PARP4: variants seen among roughly 807,000 people sequenced by gnomAD.
PARP4 encodes protein mono-ADP-ribosyltransferase PARP4.
A neutral mutation model predicts 187.7 loss-of-function variants in PARP4; 120 were observed. The observed-to-expected ratio is 0.64, with a 90% CI of 0.55 to 0.74. The LOEUF (loss-of-function observed/expected upper bound fraction) is 0.74. Ranked by LOEUF, PARP4 falls within the 30% of genes least tolerant of loss-of-function variation. The pLI is 0.00. For missense variants in PARP4, 1,836 were observed against 2,070.5 expected, an observed-to-expected ratio of 0.89 and a Z score of 2.20; for synonymous variants, 654 against 740.9, an observed-to-expected ratio of 0.88 and a Z score of 1.90.
intron 33 of PARP4, among the ~76,000 whole-genome samples, chr13:24,425,569 GTATATCTATATCTA>G (rs1870001144): frequency 7.3e-6 from 1 of 136,732 alleles, no homozygotes; most frequent in South Asian, 2.5e-4. Context: ...GTGTGTGTGT[GTATATCTATATCTA>G]TATCTATATC....
chr13:24,458,899 T>A (rs895222673), intron 20 of PARP4, 145 bp downstream of exon 20: 1 of 656,892 alleles, frequency 1.5e-6, no homozygotes, highest in Non-Finnish European at 2.7e-6. Context: ...GAAACTGGTC[T>A]GGGGAGAATC....
intron 1 of PARP4, among the ~76,000 whole-genome samples, chr13:24,512,166 G>C (rs1288619993): frequency 6.6e-6 from 1 of 152,134 alleles, no homozygotes; most frequent in Non-Finnish European, 1.5e-5. Flanking sequence ...TCGATCCCTG[G>C]GTGAACCATT....
At chr13:24,466,796 C>CAAA (rs34197201) in intron 17 of PARP4, among the ~76,000 whole-genome samples, 9 of 90,828 alleles carry the variant, frequency 9.9e-5, no homozygotes, top group South Asian at 3.8e-4. Context: ...GACTCTGTCT[C>CAAA]AAAAAAAAAA....
In PARP4 at chr13:24,478,253, G is replaced by A. The variant is rs1325704546; in HGVS notation, c.1472C>T (p.Pro491Leu). The change falls in exon 13 of 34, where the codon CCG becomes CTG. Residue 491 changes from proline to leucine, a missense_variant. This residue lies in a region of PARP4 where 1,147 missense variants were observed against 1,214.2 expected (regional missense o/e 0.94). Transcript: ENST00000381989. ...SLSTSIKYSHPGETDGTRLLL... is the reference protein window; with the variant it reads ...SLSTSIKYSHLGETDGTRLLL... Reference sequence around the variant, plus strand: ...GAGTCTGGTGCCATCTGTCTCTCCCGGGTGTGAGTACTTGATACTTGTACT... The same window carrying A: ...GAGTCTGGTGCCATCTGTCTCTCCCAGGTGTGAGTACTTGATACTTGTACT... 1.2e-5 allele frequency: 19 copies of A among 1,610,202 alleles called. No individual in the cohort carries two copies. The highest frequency in any genetic ancestry group is 1.7e-5 in the Admixed American group (1 of 59,514).
Position 24,434,857 on chromosome 13 carries a change from G to C in PARP4, c.4284C>G (p.Thr1428=). ...GGFTTRPSAG[T]FPELDSPQLH... Reference sequence around the variant, plus strand: ...GCTGGGGAGAATCCAGCTCAGGGAAGGTGCCAGCAGAAGGCCTGGTAGTAA... The same window carrying C: ...GCTGGGGAGAATCCAGCTCAGGGAACGTGCCAGCAGAAGGCCTGGTAGTAA... Residue 1428 remains threonine (T), a synonymous_variant, in exon 31 of 34, where the codon ACC becomes ACG. Coordinates refer to ENST00000381989, the MANE Select transcript of PARP4 (RefSeq NM_006437.4). 2.5e-6 allele frequency: 4 copies of C among 1,614,116 alleles called. No homozygotes were observed. Among genetic ancestry groups the C allele is most frequent in the Non-Finnish European group, 2.5e-6 (3 of 1,180,016 alleles).
intron 27 of PARP4, among the ~76,000 whole-genome samples, chr13:24,444,805 A>G (rs1871128155): frequency 6.6e-6 from 1 of 152,220 alleles, no homozygotes; most frequent in South Asian, 2.1e-4. Flanking sequence ...CTGCAGAGGA[A>G]TCGTATGTCA....
At position 24,435,465 on chromosome 13, in the gene PARP4, C is replaced by A; in HGVS notation, c.3676G>T (p.Ala1226Ser). Residue 1226 changes from alanine (A) to serine (S), a missense_variant, in exon 31 of 34, where the codon GCA (alanine) becomes TCA (serine). Ala to Ser is a moderately conservative substitution (Grantham distance 99, BLOSUM62 1). Coordinates refer to ENST00000381989, the MANE Select transcript of PARP4 (RefSeq NM_006437.4). The stretch of plus-strand genomic sequence containing the variant: ...CGTAATTCTGGCCACTCAGAGGATG[C>A]TAAAAGAGACTGCCCAGAAGACAGA... ...QEAVRNQSLL[A>S]SSEWPELRLS... 6.3e-7 allele frequency: 1 copy of A among 1,585,220 alleles called. No individual in the cohort carries two copies.
intron 14 of PARP4, among the ~76,000 whole-genome samples, chr13:24,476,066 C>T (rs1294603795): frequency 6.6e-6 from 1 of 152,006 alleles, no homozygotes; most frequent in Non-Finnish European, 1.5e-5. Flanking sequence ...GGACTATGGG[C>T]GTGAGACACT....
rs1377223687 is a variant in PARP4 at position 24,510,973 on chromosome 13, G to GT, written c.-2+1732_-2+1733insA. On this transcript the variant is annotated intron_variant, in intron 1 of 33. Transcript: ENST00000381989. Reference sequence around the variant, plus strand: ...ACCATGCCCAGCTAATTTTGGTAGAGACAGGGTTCTTACTATGTTGCCAAG... The same window carrying GT: ...ACCATGCCCAGCTAATTTTGGTAGAGTACAGGGTTCTTACTATGTTGCCAAG... 2.4e-5 allele frequency among the ~76,000 whole-genome samples: 3 copies of GT among 124,102 alleles called. No homozygotes were observed. The East Asian group carries it at 9.6e-4, about 40-fold the overall frequency. 81.4% of individuals were successfully genotyped at this position (124,102 alleles called of 152,430 possible). A position where few individuals can be genotyped will look rare whatever the true frequency, so the allele number is the denominator to read the frequency against.
chr13:24,473,388 A>G lies in PARP4; in HGVS notation c.1914+2084T>C, dbSNP rs543233039. 4.6e-5 allele frequency among the ~76,000 whole-genome samples: 7 copies of G among 152,352 alleles called. No individual in the cohort carries two copies. In the South Asian group the frequency reaches 1.4e-3, roughly 32 times the overall value. Reference sequence around the variant, plus strand: ...TTTGTTACAAAGAAATGTTAAATAAATAAGGGCATAATAAAGTTCTAAATT... The same window carrying G: ...TTTGTTACAAAGAAATGTTAAATAAGTAAGGGCATAATAAAGTTCTAAATT... On this transcript the variant is annotated intron_variant, in intron 15 of 33. Coordinates refer to ENST00000381989, the MANE Select transcript of PARP4 (RefSeq NM_006437.4).
chr13:24,435,441 G>GT lies in PARP4; in HGVS notation c.3699dup (p.Arg1234ThrfsTer8), dbSNP rs753666195. ...TTCCTATGTTTTCGTTTGGATAAAC[G>GT]TAATTCTGGCCACTCAGAGGATGCT... is the stretch of plus-strand genomic sequence containing the variant. On this transcript the variant is annotated frameshift_variant, in exon 31 of 34. Transcript: ENST00000381989. LOFTEE classifies it high-confidence loss of function. 69 of 1,606,750 alleles carry GT rather than the reference G, an allele frequency of 4.3e-5. No homozygotes were observed. The highest frequency in any genetic ancestry group is 5.3e-5 in the Non-Finnish European group (63 of 1,178,094).
At chr13:24,455,809 G>A (rs1176067114) in intron 21 of PARP4, among the ~76,000 whole-genome samples, 2 of 151,542 alleles carry the variant, frequency 1.3e-5, no homozygotes, top group Non-Finnish European at 2.9e-5. Context: ...TTTTTACAGA[G>A]ACGAGGTCTC....
At chr13:24,438,704 C>T (rs1231246187) in intron 30 of PARP4, among the ~76,000 whole-genome samples, 4 of 152,182 alleles carry the variant, frequency 2.6e-5, no homozygotes, top group Admixed American at 1.3e-4. Context: ...TGAGCGCTGT[C>T]CTTCCTGAGC....
intron 9 of PARP4, among the ~76,000 whole-genome samples, chr13:24,491,271 C>A (rs1312481627): frequency 1.3e-5 from 2 of 152,054 alleles, no homozygotes; most frequent in Admixed American, 6.6e-5. Context: ...CAGGTGCATG[C>A]CACCATGCCT....
intron 6 of PARP4, among the ~76,000 whole-genome samples, chr13:24,496,641 C>G (rs970670399): frequency 6.6e-6 from 1 of 152,138 alleles, no homozygotes; most frequent in African/African-American, 2.4e-5. Context: ...AGCTGACACT[C>G]AGAGTGGGAA....
intron 27 of PARP4, among the ~76,000 whole-genome samples, chr13:24,444,237 C>T (rs1408540843): frequency 6.6e-6 from 1 of 152,240 alleles, no homozygotes; most frequent in Non-Finnish European, 1.5e-5. Flanking sequence ...ATTGATAAGG[C>T]TGCTTCTCAC....
At chr13:24,465,673 T>G (rs1872425577) in intron 17 of PARP4, among the ~76,000 whole-genome samples, 1 of 152,068 alleles carries the variant, frequency 6.6e-6, no homozygotes, top group Admixed American at 6.6e-5. Flanking sequence ...ATGTGGGGCT[T>G]AATATCTGGG....
At chr13:24,488,320 G>T (rs1203363612) in intron 10 of PARP4, among the ~76,000 whole-genome samples, 1 of 152,138 alleles carries the variant, frequency 6.6e-6, no homozygotes, top group Admixed American at 6.5e-5. Context: ...AAAAGAATTT[G>T]ATTACATATA....
rs1871265614 is a variant in PARP4, at chr13:24,447,296, G to A, written c.3115-110C>T. On this transcript the variant is annotated intron_variant, in intron 25 of 33. Transcript: ENST00000381989. ...ATCCTTTGGGAATTTTATAACTCTG[G>A]TATTTTCTCTCCTTCCTGCTACAGG... The A allele has an allele frequency of 6.5e-6, 3 of 460,576 alleles. No individual in the cohort carries two copies. In the Admixed American group the frequency reaches 1.4e-4, roughly 22 times the overall value. The allele number at this position is 460,576 out of a possible 1,614,324, so 28.5% of individuals were successfully genotyped here. A position where few individuals can be genotyped will look rare whatever the true frequency, so the allele number is the denominator to read the frequency against.
Sources: gnomAD v4.1 joint callset for allele counts (sites outside exome capture counted in the v4.1 genomes callset) on GRCh38, gnomAD v4.1.1 for gene constraint, gnomAD v4.1.1 regional missense constraint, MANE v1.5 for transcripts, NCBI Gene and HGNC (gene_info 2026-07-23, HGNC 2026-07-21) for gene names.